PPP1CC: variants seen among roughly 807,000 people sequenced by gnomAD.
PPP1CC encodes the protein serine/threonine-protein phosphatase PP1-gamma catalytic subunit.
PPP1CC carries 16 observed loss-of-function variants against 38.4 expected under a neutral mutation model. The ratio of observed to expected loss-of-function variants is 0.42; its 90% CI spans 0.28 to 0.63. PPP1CC has a LOEUF of 0.63. PPP1CC is among the 30% of genes least tolerant of loss of function. The probability of loss-of-function intolerance (pLI) is 0.25; values close to 1 mark genes in which losing one functional copy is unlikely to be tolerated. For missense variants in PPP1CC, 170 were observed against 391.3 expected (o/e 0.43, Z 4.77); for synonymous variants, 158 against 136.0 (o/e 1.16, Z -1.13).
In PPP1CC at chr12:110,742,675, G is replaced by A. The variant is rs143738976; in HGVS notation, c.33C>T (p.Ser11=). 8.9e-3 allele frequency: 13,144 copies of A among 1,471,834 alleles called. 68 individuals carry two copies. Among genetic ancestry groups the A allele is most frequent in the Non-Finnish European group, 1.0e-2 (11,021 of 1,104,030 alleles). 91.2% of individuals were successfully genotyped at this position (1,471,834 alleles called of 1,614,324 possible). The change falls in exon 1 of 7, where the codon AGC becomes AGT. Residue 11 remains serine, a synonymous_variant. Coordinates refer to ENST00000335007, the MANE Select transcript of PPP1CC (RefSeq NM_002710.4). MADLDKLNID[S]IIQRLLEVRG... ...TACCTTCCAGCAGCCGTTGGATAAT[G>A]CTGTCGATGTTGAGTTTATCTAAAT...
chr12:110,715,655 G>A (rs973253828), downstream of PPP1CC, among the ~76,000 whole-genome samples: 6 of 151,808 alleles, frequency 4.0e-5, no homozygotes, highest in Non-Finnish European at 7.4e-5. Flanking sequence ...AGTTTTGCTC[G>A]TTGCCCAGGC....
At chr12:110,737,199 C>T (rs562259787) in intron 1 of PPP1CC, among the ~76,000 whole-genome samples, 18 of 152,194 alleles carry the variant, frequency 1.2e-4, no homozygotes, top group South Asian at 2.1e-4. Context: ...TCCTTTGGGC[C>T]GGATGCGGTG....
At chr12:110,709,292 C>T in the PPP1CC span, among the ~76,000 whole-genome samples, 22 of 146,120 alleles carry the variant, frequency 1.5e-4, no homozygotes, top group Non-Finnish European at 2.1e-4. Flanking sequence ...TGCAGTATCG[C>T]GATCCCGGCT....
At chr12:110,710,603 A>C in the PPP1CC span, among the ~76,000 whole-genome samples, 6 of 150,870 alleles carry the variant, frequency 4.0e-5, no homozygotes, top group Non-Finnish European at 7.4e-5. Flanking sequence ...CTGTAGTCCC[A>C]GCTACTCAGG....
At chr12:110,714,519 T>C in the PPP1CC span, among the ~76,000 whole-genome samples, 1 of 151,838 alleles carries the variant, frequency 6.6e-6, no homozygotes, top group Admixed American at 6.6e-5. Flanking sequence ...GTGGTGTTTG[T>C]AGGTCAGTAA....
downstream of PPP1CC, among the ~76,000 whole-genome samples, chr12:110,716,022 C>T (rs910396512): frequency 6.6e-6 from 1 of 152,174 alleles, no homozygotes; most frequent in Admixed American, 6.6e-5. Flanking sequence ...GGTGGAAAGG[C>T]AAGTTGCTTT....
chr12:110,742,036 T>G (rs996146563), intron 1 of PPP1CC, among the ~76,000 whole-genome samples: 4 of 152,110 alleles, frequency 2.6e-5, no homozygotes, highest in African/African-American at 9.7e-5. Context: ...CGGAGACCTC[T>G]CCAAGATTAG....
chr12:110,730,194 CA>C (rs551237758), intron 3 of PPP1CC, among the ~76,000 whole-genome samples: 7 of 152,262 alleles, frequency 4.6e-5, no homozygotes, highest in Admixed American at 1.3e-4. Flanking sequence ...CCCATCTCTT[CA>C]AAAAAATACA....
intron 6 of PPP1CC, 145 bp from the exon 7 acceptor site, chr12:110,721,310 G>A (rs1051580477): frequency 3.2e-5 from 19 of 601,174 alleles, no homozygotes; most frequent in African/African-American, 2.4e-4. Flanking sequence ...ATTAACACAA[G>A]CTATGTTGAA....
chr12:110,709,920 C>CA, the PPP1CC span, among the ~76,000 whole-genome samples: 1 of 132,764 alleles, frequency 7.5e-6, no homozygotes, highest in East Asian at 2.1e-4. Flanking sequence ...TTGTGAAAAA[C>CA]AAAAAACTCC....
chr12:110,732,213 T>C (rs754433257), intron 1 of PPP1CC: 8 of 438,990 alleles, frequency 1.8e-5, no homozygotes, highest in Non-Finnish European at 2.4e-5. Context: ...TCCCAGCACT[T>C]TGGGAGGGTG....
At chr12:110,728,268 G>A (rs1017609375) in intron 3 of PPP1CC, among the ~76,000 whole-genome samples, 3 of 151,672 alleles carry the variant, frequency 2.0e-5, no homozygotes, top group Admixed American at 6.6e-5. Context: ...GCGTAGTGGC[G>A]GGCGCCTGTA....
At chr12:110,713,139 CT>C in the PPP1CC span, among the ~76,000 whole-genome samples, 24,517 of 148,726 alleles carry the variant, frequency 0.16, 2,973 homozygotes, top group African/African-American at 0.34. Context: ...TGTTGACTTT[CT>C]TTTTTTTTTG....
intron 1 of PPP1CC, among the ~76,000 whole-genome samples, chr12:110,736,064 A>AAAACAAACAAAC (rs10699448): frequency 2.1e-3 from 318 of 150,236 alleles, no homozygotes; most frequent in Non-Finnish European, 2.4e-3. Flanking sequence ...ACTTTGTCTC[A>AAAACAAACAAAC]AAACAAACAA....
chr12:110,734,298 A>G (rs954547577), intron 1 of PPP1CC, among the ~76,000 whole-genome samples: 6 of 152,210 alleles, frequency 3.9e-5, no homozygotes, highest in Non-Finnish European at 8.8e-5. Flanking sequence ...TAAGTCTTTA[A>G]GTAGTGTTGA....
chr12:110,737,109 T>C (rs575324106), intron 1 of PPP1CC, among the ~76,000 whole-genome samples: 4 of 152,218 alleles, frequency 2.6e-5, no homozygotes, highest in African/African-American at 9.6e-5. Context: ...AAACAGTAAA[T>C]ACTTCCAACA....
chr12:110,723,788 G>C (rs1238624951), intron 4 of PPP1CC, among the ~76,000 whole-genome samples: 1 of 152,034 alleles, frequency 6.6e-6, no homozygotes, highest in African/African-American at 2.4e-5. Flanking sequence ...TGGAATTACA[G>C]ATGCGAGCCA....
intron 1 of PPP1CC, among the ~76,000 whole-genome samples, chr12:110,733,530 ATTTGT>A (rs908936251): frequency 6.6e-6 from 1 of 152,064 alleles, no homozygotes; most frequent in African/African-American, 2.4e-5. Context: ...CATAGTTTAT[ATTTGT>A]TTTAACTCCT....
At chr12:110,711,504 T>G in the PPP1CC span, among the ~76,000 whole-genome samples, 3 of 152,096 alleles carry the variant, frequency 2.0e-5, no homozygotes, top group Non-Finnish European at 2.9e-5. Context: ...TCGAGGGAGA[T>G]GGGTAAGTAT....
Sources: gnomAD v4.1 joint callset for allele counts (sites outside exome capture counted in the v4.1 genomes callset) on GRCh38, gnomAD v4.1.1 for gene constraint, MANE v1.5 for transcripts, NCBI Gene and HGNC (gene_info 2026-07-23, HGNC 2026-07-21) for gene names.